The following NAA15 variants were observed in gnomAD, a reference collection of about 807,000 sequenced individuals.
NAA15 encodes the protein N-terminal acetyltransferase.
In NAA15, 34 loss-of-function variants were observed where a neutral mutation model predicts 114.0. The ratio of observed to expected loss-of-function variants is 0.30; its 90% CI spans 0.23 to 0.40. NAA15 has a LOEUF of 0.40. Ranked by LOEUF, NAA15 falls within the 10% of genes least tolerant of loss-of-function variation. The pLI is 1.00. For synonymous variants in NAA15, 340 were observed against 338.0 expected, an observed-to-expected ratio of 1.01 and a Z score of -0.06; for missense variants, 658 against 1,004.5, an observed-to-expected ratio of 0.66 and a Z score of 4.66.
intron 1 of NAA15, among the ~76,000 whole-genome samples, chr4:139,317,847 A>G (rs1299640689): frequency 1.3e-5 from 2 of 152,200 alleles, no homozygotes; most frequent in Non-Finnish European, 2.9e-5. Flanking sequence ...ATGAGGTTAT[A>G]TTTTATAGCT....
At chr4:139,308,199 G>C (rs146953318) in intron 1 of NAA15, among the ~76,000 whole-genome samples, 3 of 152,220 alleles carry the variant, frequency 2.0e-5, no homozygotes, top group African/African-American at 7.2e-5. Flanking sequence ...CTGACCTCCT[G>C]ATCTGCCCGC....
At chr4:139,387,177 T>G (rs1748933148) in intron 19 of NAA15, among the ~76,000 whole-genome samples, 1 of 152,228 alleles carries the variant, frequency 6.6e-6, no homozygotes, top group South Asian at 2.1e-4. Flanking sequence ...TGGCAAAGTT[T>G]GTAGGGATTT....
At chr4:139,373,519 T>C (rs1748499858) in intron 15 of NAA15, among the ~76,000 whole-genome samples, 1 of 152,052 alleles carries the variant, frequency 6.6e-6, no homozygotes, top group African/African-American at 2.4e-5. Context: ...AAAAGGAAAA[T>C]GGGAATTAGT....
At chr4:139,378,916 T>C in intron 17 of NAA15, 62 bp downstream of exon 17, 1 of 1,030,014 alleles carries the variant, frequency 9.7e-7, no homozygotes, top group Non-Finnish European at 1.4e-6. Flanking sequence ...ACGGTATAAG[T>C]GGTCTGTACA....
chr4:139,321,624 A>G (rs1196645442), intron 1 of NAA15, among the ~76,000 whole-genome samples: 2 of 148,490 alleles, frequency 1.3e-5, no homozygotes, highest in African/African-American at 2.5e-5. Flanking sequence ...GGCACCCGCC[A>G]CCACGCCTGG....
In NAA15 at chr4:139,386,215, T is replaced by C. The variant is rs372173050; in HGVS notation, c.2385T>C (p.Thr795=). 63 of 1,600,628 alleles carry C rather than the reference T, an allele frequency of 3.9e-5. No homozygotes were observed. The African/African-American group carries it at 8.4e-4, about 21-fold the overall frequency. The change falls in exon 19 of 20, where the codon ACT becomes ACC. Residue 795 remains threonine, a synonymous_variant. Coordinates refer to ENST00000296543, the MANE Select transcript of NAA15 (RefSeq NM_057175.5). The part of the protein sequence containing the change: ...ELATTLDESL[T]NRNLQTCMEV... ...CAACAACACTTGATGAATCTCTCACTAACAGAAACCTCCAGGTAAAGAGTT... is the reference window on the plus strand; with the variant it reads ...CAACAACACTTGATGAATCTCTCACCAACAGAAACCTCCAGGTAAAGAGTT...
intron 12 of NAA15, 94 bp from the exon 13 acceptor site, chr4:139,360,406 C>A: frequency 8.3e-7 from 1 of 1,204,448 alleles, no homozygotes; most frequent in Non-Finnish European, 1.1e-6. Flanking sequence ...TTGAAAGAGT[C>A]CCAATCAGCT....
At chr4:139,381,539 CTTGT>C (rs1638925472) in intron 17 of NAA15, among the ~76,000 whole-genome samples, 1 of 151,616 alleles carries the variant, frequency 6.6e-6, no homozygotes, top group Admixed American at 6.6e-5. Flanking sequence ...TTTATTAAAC[CTTGT>C]TTAATACTTA....
intron 18 of NAA15, 79 bp from the exon 19 acceptor site, chr4:139,386,054 T>C (rs754483109): frequency 1.0e-4 from 75 of 717,788 alleles, no homozygotes; most frequent in Non-Finnish European, 1.7e-4. Flanking sequence ...ATATCTTGTT[T>C]GCCTTTTATA....
At chr4:139,357,012 A>G (rs1254556943) in intron 10 of NAA15, among the ~76,000 whole-genome samples, 5 of 151,728 alleles carry the variant, frequency 3.3e-5, no homozygotes, top group Non-Finnish European at 7.4e-5. Flanking sequence ...CCTCACATGA[A>G]TAGAGAACAT....
chr4:139,385,276 T>TATATATAATATATATATATATAAA (rs1560983995), intron 18 of NAA15, among the ~76,000 whole-genome samples: 1 of 90,564 alleles, frequency 1.1e-5, no homozygotes, highest in African/African-American at 5.8e-5. Context: ...CAAACATATA[T>TATATATAATATATATATATATAAA]ATATATAATA....
intron 2 of NAA15, among the ~76,000 whole-genome samples, chr4:139,334,551 T>C (rs570252612): frequency 6.6e-6 from 1 of 152,308 alleles, no homozygotes; most frequent in South Asian, 2.1e-4. Flanking sequence ...CTGTATAAAT[T>C]GTATGCTTTA....
intron 1 of NAA15, among the ~76,000 whole-genome samples, chr4:139,317,900 CT>C (rs1387135784): frequency 6.6e-6 from 1 of 152,198 alleles, no homozygotes; most frequent in Non-Finnish European, 1.5e-5. Context: ...CAGATTTCTA[CT>C]CTTATCAAGC....
At chr4:139,342,740 G>A (rs565333796) in intron 4 of NAA15, 86 bp from the exon 5 acceptor site, 32 of 1,318,880 alleles carry the variant, frequency 2.4e-5, no homozygotes, top group East Asian at 7.1e-5. Flanking sequence ...GAGCCACTGC[G>A]CCTGGCCTAA....
chr4:139,305,260 A>G (rs759258051), intron 1 of NAA15, among the ~76,000 whole-genome samples: 1 of 152,218 alleles, frequency 6.6e-6, no homozygotes, highest in Non-Finnish European at 1.5e-5. Flanking sequence ...AGATCTATTG[A>G]TAAGTTATAT....
At chr4:139,355,046 G>T (rs567545217) in intron 10 of NAA15, among the ~76,000 whole-genome samples, 91 of 151,876 alleles carry the variant, frequency 6.0e-4, no homozygotes, top group African/African-American at 2.0e-3. Context: ...GCTAATTTTT[G>T]TATTTTTGGT....
At chr4:139,376,722 T>C (rs1221004928) in intron 16 of NAA15, among the ~76,000 whole-genome samples, 2 of 152,240 alleles carry the variant, frequency 1.3e-5, no homozygotes, top group Non-Finnish European at 2.9e-5. Context: ...GTAATTACCA[T>C]GTATATGGTT....
At chr4:139,302,012 C>G (rs541947904) in intron 1 of NAA15, 181 bp downstream of exon 1, 12 of 572,520 alleles carry the variant, frequency 2.1e-5, no homozygotes, top group Non-Finnish European at 3.5e-5. Context: ...GGCCCGCGCG[C>G]CAGGGACCAC....
In NAA15 at chr4:139,375,464, TTTTC is replaced by T. The variant is rs758895601; in HGVS notation, c.1948-897_1948-894del. ...ACTGCTTTTCTTTTCTTTTCTTTTC[TTTTC>T]TTTTTTTAAATGCAGTGAAACAATT... On this transcript the variant is annotated intron_variant, in intron 15 of 19. Coordinates refer to ENST00000296543, the MANE Select transcript of NAA15 (RefSeq NM_057175.5). 5.5e-3 allele frequency among the ~76,000 whole-genome samples: 802 copies of T among 146,810 alleles called. 7 individuals are homozygous for T. The highest frequency in any genetic ancestry group is 0.013 in the African/African-American group (504 of 40,264).
Sources: allele counts gnomAD v4.1 joint callset (sites outside exome capture counted in the v4.1 genomes callset), GRCh38; gene constraint gnomAD v4.1.1; transcripts MANE v1.5; gene names NCBI Gene and HGNC (gene_info 2026-07-23, HGNC 2026-07-21).